STAG1: variants seen among roughly 807,000 people sequenced by gnomAD.
STAG1 encodes STAG1 cohesin complex component, also known as cohesin subunit SA-1.
In STAG1, 26 loss-of-function variants were observed where a neutral mutation model predicts 170.9. The observed-to-expected ratio is 0.15, with a 90% CI of 0.11 to 0.21. The LOEUF (loss-of-function observed/expected upper bound fraction) is 0.21, where lower values mean the gene tolerates loss of function less well. STAG1 is among the 10% of genes least tolerant of loss of function. The pLI is 1.00. For missense variants in STAG1, 964 were observed against 1,509.5 expected (o/e 0.64, Z 5.99); for synonymous variants, 514 against 497.7 (o/e 1.03, Z -0.44).
At chr3:136,702,131 C>CAGAGAG (rs1301130010) in intron 1 of STAG1, among the ~76,000 whole-genome samples, 1 of 89,606 alleles carries the variant, frequency 1.1e-5, no homozygotes, top group African/African-American at 5.8e-5. Flanking sequence ...GACAGAGAGA[C>CAGAGAG]AGAGAGACAG....
At chr3:136,532,165 T>C (rs1246748977) in intron 6 of STAG1, among the ~76,000 whole-genome samples, 2 of 152,078 alleles carry the variant, frequency 1.3e-5, no homozygotes, top group East Asian at 3.9e-4. Flanking sequence ...ACATTACAAC[T>C]GATAACACAG....
intron 15 of STAG1, among the ~76,000 whole-genome samples, chr3:136,437,336 TA>T (rs1387447514): frequency 1.3e-5 from 2 of 152,188 alleles, no homozygotes; most frequent in Non-Finnish European, 2.9e-5. Flanking sequence ...AGTTGAAATT[TA>T]ATTGAAATTC....
rs1412845699 is a variant in STAG1, at chr3:136,472,454, A to G, written c.1164T>C (p.Asp388=). The change falls in exon 12 of 34, where the codon GAT becomes GAC. Residue 388 remains aspartate (D), a synonymous_variant. Coordinates refer to ENST00000383202, the MANE Select transcript of STAG1 (RefSeq NM_005862.3). ...IVSMTLDKEY[D]VAVEAIRLVT... Reference sequence around the variant, plus strand: ...CCAATCGAATAGCTTCCACAGCAACATCATATTCTTTATCAAGTGTCATTG... The same window carrying G: ...CCAATCGAATAGCTTCCACAGCAACGTCATATTCTTTATCAAGTGTCATTG... The G allele has an allele frequency of 3.1e-6, 5 of 1,612,934 alleles. No homozygotes were observed. The highest frequency in any genetic ancestry group is 4.2e-6 in the Non-Finnish European group (5 of 1,179,434).
At chr3:136,379,793 GA>G (rs964813190) in intron 22 of STAG1, among the ~76,000 whole-genome samples, 8 of 151,964 alleles carry the variant, frequency 5.3e-5, no homozygotes, top group African/African-American at 1.2e-4. Flanking sequence ...ACAGCAGCAA[GA>G]AAAAAAGCTA....
At chr3:136,658,084 G>C (rs374828496) in intron 1 of STAG1, among the ~76,000 whole-genome samples, 2 of 151,842 alleles carry the variant, frequency 1.3e-5, no homozygotes, top group Non-Finnish European at 2.9e-5. Context: ...ACACTTCAGG[G>C]GGGGCTGAGG....
rs527794903 is a variant in STAG1 at position 136,340,438 on chromosome 3, C to T, written c.3672+53G>A. On this transcript the variant is annotated intron_variant, in intron 32 of 33. Coordinates refer to ENST00000383202, the MANE Select transcript of STAG1 (RefSeq NM_005862.3). Reference sequence around the variant, plus strand: ...TGCCCGGCCTAAGAGGATCATCTTACACCAATGCCCCCACATATTTTAACA... The same window carrying T: ...TGCCCGGCCTAAGAGGATCATCTTATACCAATGCCCCCACATATTTTAACA... 3.2e-5 allele frequency: 38 copies of T among 1,202,532 alleles called. No individual in the cohort carries two copies. In the South Asian group the frequency reaches 3.3e-4, roughly 10 times the overall value. 74.5% of individuals were successfully genotyped at this position (1,202,532 alleles called of 1,614,324 possible).
chr3:136,743,898 C>T (rs1245182240), intron 1 of STAG1, among the ~76,000 whole-genome samples: 1 of 152,150 alleles, frequency 6.6e-6, no homozygotes, highest in African/African-American at 2.4e-5. Flanking sequence ...ATCCCAGTAA[C>T]CAAAATTATT....
At chr3:136,484,453 G>A (rs1184579838) in intron 9 of STAG1, among the ~76,000 whole-genome samples, 5 of 146,720 alleles carry the variant, frequency 3.4e-5, no homozygotes, top group African/African-American at 1.0e-4. Flanking sequence ...CTCCAGCTGC[G>A]TGCTGGGAGA....
At chr3:136,396,448 C>T (rs1211539977) in intron 22 of STAG1, among the ~76,000 whole-genome samples, 1 of 144,678 alleles carries the variant, frequency 6.9e-6, no homozygotes, top group Non-Finnish European at 1.5e-5. Context: ...GTCTCGATCT[C>T]CTGACCTTGT....
At chr3:136,446,960 C>T (rs1214719742) in intron 14 of STAG1, among the ~76,000 whole-genome samples, 1 of 150,970 alleles carries the variant, frequency 6.6e-6, no homozygotes, top group Non-Finnish European at 1.5e-5. Context: ...CCCACCACGC[C>T]ACCCTGCTAA....
chr3:136,744,103 A>T (rs899696655), intron 1 of STAG1, among the ~76,000 whole-genome samples: 4 of 152,184 alleles, frequency 2.6e-5, no homozygotes, highest in African/African-American at 7.2e-5. Flanking sequence ...TGAGGCAGGC[A>T]GATCACCTGA....
chr3:136,737,134 C>T, intron 1 of STAG1: 1 of 804,554 alleles, frequency 1.2e-6, no homozygotes, highest in Non-Finnish European at 2.2e-6. Context: ...CACGTTAGAA[C>T]CAAGTCTCTC....
chr3:136,510,689 G>A (rs928251033), intron 7 of STAG1, among the ~76,000 whole-genome samples: 1 of 151,108 alleles, frequency 6.6e-6, no homozygotes, highest in Non-Finnish European at 1.5e-5. Context: ...TCAGCTCACT[G>A]CAACCTCCGC....
At chr3:136,540,836 A>AAAAAAAAAAAAAAAAAAAAAAC in intron 6 of STAG1, among the ~76,000 whole-genome samples, 2 of 147,784 alleles carry the variant, frequency 1.4e-5, no homozygotes, top group Admixed American at 6.8e-5. Context: ...AAAAAAAAAA[A>AAAAAAAAAAAAAAAAAAAAAAC]AAAAAAAAAA....
chr3:136,461,896 G>A (rs2089284784), intron 13 of STAG1, among the ~76,000 whole-genome samples: 1 of 151,914 alleles, frequency 6.6e-6, no homozygotes, highest in African/African-American at 2.4e-5. Flanking sequence ...TGATCTGAAC[G>A]GACATTTCTC....
At chr3:136,528,383 C>A (rs563976396) in intron 6 of STAG1, among the ~76,000 whole-genome samples, 1 of 151,770 alleles carries the variant, frequency 6.6e-6, no homozygotes, top group African/African-American at 2.4e-5. Flanking sequence ...CTGAGCCAGG[C>A]GCTATAAGAG....
At chr3:136,559,231 A>G (rs1034992712) in intron 5 of STAG1, among the ~76,000 whole-genome samples, 3 of 152,180 alleles carry the variant, frequency 2.0e-5, no homozygotes, top group Non-Finnish European at 4.4e-5. Context: ...GAGAATACTG[A>G]TTAATATATA....
chr3:136,354,753 C>CAAAAAAAAAAAAA (rs1469138728), intron 28 of STAG1, among the ~76,000 whole-genome samples: 2 of 618 alleles, frequency 3.2e-3, no homozygotes, highest in Non-Finnish European at 3.1e-3. Flanking sequence ...GGAGAAAGAA[C>CAAAAAAAAAAAAA]CAAAAAAAAA....
At chr3:136,748,215 C>A (rs1490940403) in intron 1 of STAG1, among the ~76,000 whole-genome samples, 1 of 151,748 alleles carries the variant, frequency 6.6e-6, no homozygotes, top group Non-Finnish European at 1.5e-5. Flanking sequence ...GCCTGGCCAA[C>A]AAGGTGAAAC....
Sources: gnomAD v4.1 joint callset for allele counts (sites outside exome capture counted in the v4.1 genomes callset) on GRCh38, gnomAD v4.1.1 for gene constraint, MANE v1.5 for transcripts, NCBI Gene and HGNC (gene_info 2026-07-23, HGNC 2026-07-21) for gene names.